DUSP16: variants seen among roughly 807,000 people sequenced by gnomAD.
DUSP16 encodes the protein dual specificity protein phosphatase 16.
In DUSP16, 21 loss-of-function variants were observed where a neutral mutation model predicts 58.3. The observed-to-expected ratio is 0.36, with a 90% CI of 0.26 to 0.52. The LOEUF is 0.52. DUSP16 is among the 20% of genes least tolerant of loss of function. DUSP16 has a pLI of 0.94. For synonymous variants in DUSP16, 320 were observed against 323.8 expected, an observed-to-expected ratio of 0.99 and a Z score of 0.12; for missense variants, 726 against 819.0, an observed-to-expected ratio of 0.89 and a Z score of 1.39.
chr12:12,528,464 T>C (rs1028166734), intron 1 of DUSP16, among the ~76,000 whole-genome samples: 8 of 152,116 alleles, frequency 5.3e-5, no homozygotes, highest in Non-Finnish European at 1.0e-4. Context: ...TCAGTAAAGG[T>C]AGGCTGGAGG....
At position 12,488,251 on chromosome 12, in the gene DUSP16, C is replaced by T. The variant is rs552805951; in HGVS notation, c.532-1064G>A. On this transcript the variant is annotated intron_variant, in intron 4 of 6. Transcript: ENST00000298573. ...CTTCTTCCAGAAGACACTCTTCCCA[C>T]TTTTCCTACTTTAACCTCATCTGTG... is the stretch of plus-strand genomic sequence containing the variant. Among the ~76,000 whole-genome samples, 7 of 120,184 alleles carry T rather than the reference C, an allele frequency of 5.8e-5. No individual in the cohort carries two copies. The South Asian group carries it at 1.7e-3, about 30-fold the overall frequency. 78.8% of individuals were successfully genotyped at this position (120,184 alleles called of 152,430 possible). A position where few individuals can be genotyped will look rare whatever the true frequency, so the allele number is the denominator to read the frequency against.
intron 4 of DUSP16, among the ~76,000 whole-genome samples, chr12:12,499,749 T>G (rs1429281654): frequency 1.3e-5 from 2 of 152,234 alleles, no homozygotes; most frequent in Non-Finnish European, 2.9e-5. Context: ...GTGATGTAAA[T>G]TAAGAGATTT....
Position 12,476,493 on chromosome 12 carries a change from C to T in DUSP16, c.*340G>A. 1 of 203,560 alleles carries T rather than the reference C, an allele frequency of 4.9e-6. No individual in the cohort carries two copies. The highest frequency in any genetic ancestry group is 9.8e-6 in the Non-Finnish European group (1 of 101,724). The allele number at this position is 203,560 out of a possible 1,614,324, so 12.6% of individuals were successfully genotyped here. A position where few individuals can be genotyped will look rare whatever the true frequency, so the allele number is the denominator to read the frequency against. ...TAATATTTGAGATCTCTTAGTAGCA[C>T]AACGTGAAAATGGTAGGGGATTTTG... On this transcript the variant is annotated 3_prime_UTR_variant, in exon 7 of 7. Transcript: ENST00000298573.
Position 12,475,163 on chromosome 12 carries a change from C to T in DUSP16, c.*1670G>A, listed in dbSNP as rs1449857151. On this transcript the variant is annotated 3_prime_UTR_variant, in exon 7 of 7. Transcript: ENST00000298573. ...TCCATTTCTCAAAAACAGAGAAAAACCTGAGATACGAGGCAGCAACTAGCG... is the reference window on the plus strand; with the variant it reads ...TCCATTTCTCAAAAACAGAGAAAAATCTGAGATACGAGGCAGCAACTAGCG... The T allele has an allele frequency of 6.6e-6, 1 of 152,108 alleles. No individual in the cohort carries two copies. The highest frequency in any genetic ancestry group is 6.6e-5 in the Admixed American group (1 of 15,260). 9.4% of individuals were successfully genotyped at this position (152,108 alleles called of 1,614,324 possible).
In DUSP16 at chr12:12,474,476, G is replaced by C. The variant is rs736107; in HGVS notation, c.*2357C>G. Reference sequence around the variant, plus strand: ...ACCATCTGTATCACCCCTAGTAGACGCGAGGGTTTCCCCAATTACATGCTG... The same window carrying C: ...ACCATCTGTATCACCCCTAGTAGACCCGAGGGTTTCCCCAATTACATGCTG... On this transcript the variant is annotated 3_prime_UTR_variant, in exon 7 of 7. Coordinates refer to ENST00000298573, the MANE Select transcript of DUSP16 (RefSeq NM_030640.3). 7 of 152,012 alleles carry C rather than the reference G, an allele frequency of 4.6e-5. No homozygotes were observed. The highest frequency in any genetic ancestry group is 2.6e-4 in the Admixed American group (4 of 15,256). 9.4% of individuals were successfully genotyped at this position (152,012 alleles called of 1,614,324 possible).
At chr12:12,490,508 AAGTC>A (rs893243354) in intron 4 of DUSP16, among the ~76,000 whole-genome samples, 1 of 152,194 alleles carries the variant, frequency 6.6e-6, no homozygotes, top group Non-Finnish European at 1.5e-5. Flanking sequence ...TCAGTGGAAA[AAGTC>A]AGTTAAGGGG....
At chr12:12,554,196 C>CAA (rs59499569) in intron 1 of DUSP16, among the ~76,000 whole-genome samples, 10,450 of 64,334 alleles carry the variant, frequency 0.16, 900 homozygotes, top group East Asian at 0.2. Context: ...AACTGGGTCT[C>CAA]AAAAAAAAAA....
At chr12:12,554,989 AT>A (rs1944786945) in intron 1 of DUSP16, among the ~76,000 whole-genome samples, 1 of 152,216 alleles carries the variant, frequency 6.6e-6, no homozygotes, top group African/African-American at 2.4e-5. Context: ...TTCTCGAGGA[AT>A]TTTCTTTTCC....
chr12:12,530,108 TATAA>T (rs745739126), intron 1 of DUSP16, among the ~76,000 whole-genome samples: 4 of 152,210 alleles, frequency 2.6e-5, no homozygotes, highest in Non-Finnish European at 5.9e-5. Flanking sequence ...CCATAATGGC[TATAA>T]ATAGTTCATA....
At chr12:12,557,238 G>C (rs1045806909) in intron 1 of DUSP16, among the ~76,000 whole-genome samples, 1 of 151,968 alleles carries the variant, frequency 6.6e-6, no homozygotes, top group Non-Finnish European at 1.5e-5. Flanking sequence ...GGTGGAACAC[G>C]AGGTCAGGAG....
intron 1 of DUSP16, among the ~76,000 whole-genome samples, chr12:12,539,992 T>C (rs748469687): frequency 3.3e-5 from 5 of 151,210 alleles, no homozygotes; most frequent in Admixed American, 6.6e-5. Flanking sequence ...GATGTGGAGG[T>C]TGCAGTGAGC....
rs913831291 is a variant in DUSP16, at chr12:12,474,620, A to ACC, written c.*2211_*2212dup. The ACC allele has an allele frequency of 6.6e-6, 1 of 152,326 alleles. No individual in the cohort carries two copies. The highest frequency in any genetic ancestry group is 2.4e-5 in the African/African-American group (1 of 41,456). 9.4% of individuals were successfully genotyped at this position (152,326 alleles called of 1,614,324 possible). A position where few individuals can be genotyped will look rare whatever the true frequency, so the allele number is the denominator to read the frequency against. ...AGAACTGATTATCTGACACTAGTGA[A>ACC]CCAGCACTAAAGGCTGTAGGATGTG... On this transcript the variant is annotated 3_prime_UTR_variant, in exon 7 of 7. Transcript: ENST00000298573.
At chr12:12,508,374 A>T (rs1361561923) in intron 3 of DUSP16, among the ~76,000 whole-genome samples, 1 of 152,228 alleles carries the variant, frequency 6.6e-6, no homozygotes, top group Non-Finnish European at 1.5e-5. Context: ...AAAGAAAGCA[A>T]ACAAAATATG....
intron 1 of DUSP16, among the ~76,000 whole-genome samples, chr12:12,534,715 T>C (rs938998523): frequency 1.3e-5 from 2 of 152,240 alleles, no homozygotes; most frequent in Non-Finnish European, 2.9e-5. Context: ...ACTGCTATTA[T>C]AACAAGTAAT....
At chr12:12,532,276 C>T (rs1216803636) in intron 1 of DUSP16, among the ~76,000 whole-genome samples, 1 of 152,174 alleles carries the variant, frequency 6.6e-6, no homozygotes, top group Non-Finnish European at 1.5e-5. Flanking sequence ...GACAGACTGG[C>T]TTAAGTAACT....
chr12:12,543,657 A>G (rs1340769338), intron 1 of DUSP16, among the ~76,000 whole-genome samples: 1 of 152,186 alleles, frequency 6.6e-6, no homozygotes, highest in Non-Finnish European at 1.5e-5. Context: ...TCAATGTAGT[A>G]TACCATATGG....
Position 12,502,191 on chromosome 12 carries a change from G to C in DUSP16, c.368-1509C>G, listed in dbSNP as rs941443429. Among the ~76,000 whole-genome samples, 4 of 152,248 alleles carry C rather than the reference G, an allele frequency of 2.6e-5. No individual in the cohort carries two copies. In the East Asian group the frequency reaches 7.7e-4, roughly 29 times the overall value. On this transcript the variant is annotated intron_variant, in intron 3 of 6. Coordinates refer to ENST00000298573, the MANE Select transcript of DUSP16 (RefSeq NM_030640.3). ...GCCCTTGAAAACTGCTAGAAGTGCA[G>C]GAAGTTGAGAGGGAATCATCTTTCA...
chr12:12,502,004 A>C (rs1943917637), intron 3 of DUSP16, among the ~76,000 whole-genome samples: 1 of 151,300 alleles, frequency 6.6e-6, no homozygotes, highest in African/African-American at 2.4e-5. Context: ...ACAAAAATAA[A>C]AATAAAAAAA....
In DUSP16 at chr12:12,540,793, C is replaced by T. The variant is rs144326551; in HGVS notation, c.-365-19330G>A. 6.2e-4 allele frequency among the ~76,000 whole-genome samples: 95 copies of T among 152,134 alleles called. 1 individual carries two copies. The Middle Eastern group carries it at 0.01, about 16-fold the overall frequency. ...TGGTCAAGAGGTTTGGAGGGAGCGG[C>T]GACACCACCAGCCAGCAAACTTCTA... On this transcript the variant is annotated intron_variant, in intron 1 of 6. Transcript: ENST00000298573.
Sources: gnomAD v4.1 joint callset for allele counts (sites outside exome capture counted in the v4.1 genomes callset) on GRCh38, gnomAD v4.1.1 for gene constraint, MANE v1.5 for transcripts, NCBI Gene and HGNC (gene_info 2026-07-23, HGNC 2026-07-21) for gene names.